Variants in PPP2R2C observed in about 807,000 individuals in gnomAD.
The protein encoded by PPP2R2C is protein phosphatase 2, regulatory subunit B, gamma.
A neutral mutation model predicts 45.3 loss-of-function variants in PPP2R2C; 10 were observed. The ratio of observed to expected loss-of-function variants is 0.22; its 90% CI spans 0.14 to 0.37. The LOEUF is 0.37. Among genes scored for constraint, PPP2R2C ranks in the 10% least tolerant of loss-of-function variants. The pLI is 1.00. For synonymous variants in PPP2R2C, 257 were observed against 245.4 expected, an observed-to-expected ratio of 1.05 and a Z score of -0.44; for missense variants, 308 against 619.7, an observed-to-expected ratio of 0.50 and a Z score of 5.34.
At chr4:6,503,736 C>T (rs1213814816) in intron 2 of PPP2R2C, among the ~76,000 whole-genome samples, 1 of 151,444 alleles carries the variant, frequency 6.6e-6, no homozygotes, top group Non-Finnish European at 1.5e-5. Flanking sequence ...AAACATCCAT[C>T]AGCAAAAGAA....
rs192825318 is a variant in PPP2R2C, at chr4:6,387,372, A to G, written c.71-6278T>C. 3.3e-4 allele frequency among the ~76,000 whole-genome samples: 50 copies of G among 152,342 alleles called. No homozygotes were observed. In the South Asian group the frequency reaches 8.7e-3, roughly 27 times the overall value. Reference sequence around the variant, plus strand: ...TTAAAGCAGCTAGAATAAAAACAACATATTACATTCAGAGACACCAGGACT... The same window carrying G: ...TTAAAGCAGCTAGAATAAAAACAACGTATTACATTCAGAGACACCAGGACT... On this transcript the variant is annotated intron_variant, in intron 1 of 8. Transcript: ENST00000382599.
chr4:6,390,187 C>T (rs1031124713), intron 1 of PPP2R2C, among the ~76,000 whole-genome samples: 3 of 151,886 alleles, frequency 2.0e-5, no homozygotes, highest in Admixed American at 6.6e-5. Context: ...TCCTGAGTGC[C>T]GGCTGCCCAG....
At chr4:6,430,883 C>T (rs935631047) in intron 1 of PPP2R2C, among the ~76,000 whole-genome samples, 5 of 152,002 alleles carry the variant, frequency 3.3e-5, no homozygotes, top group African/African-American at 1.2e-4. Context: ...CAAGATCGCA[C>T]CACTGCACTC....
At chr4:6,388,124 C>T (rs1716358858) in intron 1 of PPP2R2C, among the ~76,000 whole-genome samples, 1 of 152,208 alleles carries the variant, frequency 6.6e-6, no homozygotes, top group South Asian at 2.1e-4. Flanking sequence ...CCCATGGAAA[C>T]TCATGCTGTC....
At chr4:6,369,277 G>C (rs930721277) in intron 5 of PPP2R2C, among the ~76,000 whole-genome samples, 12 of 152,222 alleles carry the variant, frequency 7.9e-5, no homozygotes, top group African/African-American at 2.4e-4. Context: ...GCCGCCCCAT[G>C]AGTGCAGACG....
chr4:6,329,179 T>C lies in PPP2R2C; in HGVS notation c.1052+83A>G. ...AGGCTGAGTAGCCCCATGCTGCGGG[T>C]CACCGGAATCCCAGCCCAGACCCCT... On this transcript the variant is annotated intron_variant, in intron 8 of 8. Coordinates refer to ENST00000382599, the MANE Select transcript of PPP2R2C (RefSeq NM_020416.4). This position sits in a 1 kb window ranked among gnomAD's most constrained non-coding sequence, Gnocchi z 5.8. The C allele has an allele frequency of 3.0e-6, 4 of 1,334,678 alleles. No individual in the cohort carries two copies. 82.7% of individuals were successfully genotyped at this position (1,334,678 alleles called of 1,614,324 possible). A position where few individuals can be genotyped will look rare whatever the true frequency, so the allele number is the denominator to read the frequency against.
rs972542936 is a variant in PPP2R2C at position 6,392,623 on chromosome 4, G to A, written c.71-11529C>T. 3.9e-5 allele frequency among the ~76,000 whole-genome samples: 6 copies of A among 152,330 alleles called. No individual in the cohort carries two copies. In the South Asian group the frequency reaches 6.2e-4, roughly 16 times the overall value. ...CAGGCCAGCAAGGAGGCCAGTGTGC[G>A]TGTGAGAGGGATGGGGCAGGACATG... On this transcript the variant is annotated intron_variant, in intron 1 of 8. Coordinates refer to ENST00000382599, the MANE Select transcript of PPP2R2C (RefSeq NM_020416.4).
At chr4:6,433,976 C>A (rs1470146529) in intron 1 of PPP2R2C, among the ~76,000 whole-genome samples, 1 of 152,202 alleles carries the variant, frequency 6.6e-6, no homozygotes, top group African/African-American at 2.4e-5. Context: ...ATAAGTCTCC[C>A]TTAGGCCCTT....
intron 2 of PPP2R2C, among the ~76,000 whole-genome samples, chr4:6,506,940 T>C (rs1287046380): frequency 1.3e-5 from 2 of 152,162 alleles, no homozygotes; most frequent in African/African-American, 4.8e-5. Flanking sequence ...AGGATGAGCA[T>C]CTTAAGAGCA....
chr4:6,406,897 T>A (rs1455736613), intron 1 of PPP2R2C, among the ~76,000 whole-genome samples: 1 of 152,212 alleles, frequency 6.6e-6, no homozygotes, highest in East Asian at 1.9e-4. Context: ...GATGAGAAGA[T>A]CATTCTGAAT....
intron 1 of PPP2R2C, among the ~76,000 whole-genome samples, chr4:6,427,034 G>A (rs1719371110): frequency 6.6e-6 from 1 of 152,222 alleles, no homozygotes; most frequent in South Asian, 2.1e-4. Flanking sequence ...ACATCCAAGG[G>A]GGATGCTGGT....
intron 2 of PPP2R2C, among the ~76,000 whole-genome samples, chr4:6,498,794 G>A (rs1722955629): frequency 6.6e-6 from 1 of 152,164 alleles, no homozygotes. Flanking sequence ...CATCAATGGG[G>A]AAAAGGACTC....
chr4:6,405,846 CA>C lies in PPP2R2C; in HGVS notation c.71-24753del, dbSNP rs201011719. Reference sequence around the variant, plus strand: ...CATGGGGAACGGCTTCGCGGAGGGGCAGGGGGAGTCCAGAAAGAAAGGTTTT... The same window carrying C: ...CATGGGGAACGGCTTCGCGGAGGGGCGGGGGAGTCCAGAAAGAAAGGTTTT... On this transcript the variant is annotated intron_variant, in intron 1 of 8. Transcript: ENST00000382599. Among the ~76,000 whole-genome samples, 188 of 152,268 alleles carry C rather than the reference CA, an allele frequency of 1.2e-3. 1 individual carries two copies. The East Asian group carries it at 0.022, about 18-fold the overall frequency.
chr4:6,495,197 C>A (rs749767115), intron 2 of PPP2R2C, among the ~76,000 whole-genome samples: 10 of 152,252 alleles, frequency 6.6e-5, no homozygotes, highest in Non-Finnish European at 1.3e-4. Context: ...CAGGGCCACA[C>A]AGCCTGGTCC....
At chr4:6,435,392 C>T (rs1035973765) in intron 1 of PPP2R2C, among the ~76,000 whole-genome samples, 1 of 152,188 alleles carries the variant, frequency 6.6e-6, no homozygotes, top group Non-Finnish European at 1.5e-5. Context: ...GTTCTTGTAT[C>T]TCAACTTTAT....
rs553605385 is a variant in PPP2R2C at position 6,495,467 on chromosome 4, C to T, written c.49+39804G>A. On this transcript the variant is annotated intron_variant, in intron 2 of 9. Coordinates refer to the PPP2R2C transcript ENST00000506140. ...ACCTGGGGATGAGTGTGACAGCTGC[C>T]GGATCCCACCTGGGATGAGCCATGT... Among the ~76,000 whole-genome samples the T allele has an allele frequency of 8.5e-5, 13 of 152,278 alleles. No individual in the cohort carries two copies. In the South Asian group the frequency reaches 2.3e-3, roughly 27 times the overall value.
rs1194702161 is a variant in PPP2R2C, at chr4:6,364,584, ACTG to A, written c.625+7936_625+7938del. 6.6e-6 allele frequency among the ~76,000 whole-genome samples: 1 copy of A among 152,058 alleles called. No individual in the cohort carries two copies. The highest frequency in any genetic ancestry group is 1.5e-5 in the Non-Finnish European group (1 of 68,002). On this transcript the variant is annotated intron_variant, in intron 5 of 8. Transcript: ENST00000382599. This position sits in a 1 kb window ranked among gnomAD's most constrained non-coding sequence, Gnocchi z 5.3. ...GCTGCAGCTCGGTGATTTGCCAGGCACTGCCCTAAAGGCTTCCCAGATGTCATC... is the reference window on the plus strand; with the variant it reads ...GCTGCAGCTCGGTGATTTGCCAGGCACCCTAAAGGCTTCCCAGATGTCATC...
In PPP2R2C at chr4:6,323,077, T is replaced by C. The variant is rs1731656014; in HGVS notation, c.*225A>G. 4.3e-6 allele frequency: 2 copies of C among 466,718 alleles called. No homozygotes were observed. Among genetic ancestry groups the C allele is most frequent in the Admixed American group, 3.9e-5 (1 of 25,890 alleles). 28.9% of individuals were successfully genotyped at this position (466,718 alleles called of 1,614,324 possible). On this transcript the variant is annotated 3_prime_UTR_variant, in exon 9 of 9. Coordinates refer to ENST00000382599, the MANE Select transcript of PPP2R2C (RefSeq NM_020416.4). Reference sequence around the variant, plus strand: ...GATTTGTGGCGGTGAACGCTTCCTTTCCTTTTTATTTTTTTAAACAGACAA... The same window carrying C: ...GATTTGTGGCGGTGAACGCTTCCTTCCCTTTTTATTTTTTTAAACAGACAA...
At chr4:6,504,767 G>C (rs1435145616) in intron 2 of PPP2R2C, among the ~76,000 whole-genome samples, 1 of 152,118 alleles carries the variant, frequency 6.6e-6, no homozygotes, top group Non-Finnish European at 1.5e-5. Flanking sequence ...AAAAACAGAG[G>C]AGGGAAGTTA....
Sources: allele counts gnomAD v4.1 joint callset (sites outside exome capture counted in the v4.1 genomes callset), GRCh38; gene constraint gnomAD v4.1.1; non-coding constraint Gnocchi (gnomAD v3.1); transcripts MANE v1.5; gene names NCBI Gene and HGNC (gene_info 2026-07-23, HGNC 2026-07-21).